RBFOX1: variants seen among roughly 807,000 people sequenced by gnomAD.
The protein encoded by RBFOX1 is RNA binding fox-1 homolog 1, also known as RNA binding protein fox-1 homolog 1.
RBFOX1 carries 8 observed loss-of-function variants against 57.7 expected under a neutral mutation model. The observed-to-expected ratio is 0.14, with a 90% CI of 0.08 to 0.25. RBFOX1 has a LOEUF of 0.25. Among genes scored for constraint, RBFOX1 ranks in the 10% least tolerant of loss-of-function variants. The probability of loss-of-function intolerance (pLI) is 1.00; values close to 1 mark genes in which losing one functional copy is unlikely to be tolerated. For missense variants in RBFOX1, 611 were observed against 548.5 expected, an observed-to-expected ratio of 1.11 and a Z score of -1.14; for synonymous variants, 326 against 222.4, an observed-to-expected ratio of 1.47 and a Z score of -4.15.
At chr16:5,737,919 C>T (rs1053355565) in intron 3 of RBFOX1, among the ~76,000 whole-genome samples, 2 of 152,042 alleles carry the variant, frequency 1.3e-5, no homozygotes, top group African/African-American at 4.8e-5. Flanking sequence ...AGGTTTGTTA[C>T]ATAGGTACAC....
chr16:5,727,621 A>G (rs1179752361), intron 3 of RBFOX1, among the ~76,000 whole-genome samples: 1 of 152,098 alleles, frequency 6.6e-6, no homozygotes, highest in Non-Finnish European at 1.5e-5. Context: ...TTAGACCAAT[A>G]TCTCCCCATT....
chr16:7,306,882 C>T (rs2096202014), intron 4 of RBFOX1, among the ~76,000 whole-genome samples: 2 of 152,120 alleles, frequency 1.3e-5, no homozygotes, highest in Admixed American at 1.3e-4. Flanking sequence ...TAAGTAATAT[C>T]TTGTACCCAG....
At chr16:6,762,016 G>C (rs1369345862) in intron 3 of RBFOX1, among the ~76,000 whole-genome samples, 4 of 152,042 alleles carry the variant, frequency 2.6e-5, no homozygotes, top group African/African-American at 9.7e-5. Flanking sequence ...AACTCTACAG[G>C]TGCTAAGATG....
chr16:7,667,310 G>C (rs1216775172), intron 13 of RBFOX1, among the ~76,000 whole-genome samples: 1 of 152,170 alleles, frequency 6.6e-6, no homozygotes, highest in Non-Finnish European at 1.5e-5. Context: ...AGCAGAACAA[G>C]AGGTCTTTGA....
chr16:5,955,771 A>G (rs2152282288), intron 4 of RBFOX1, among the ~76,000 whole-genome samples: 1 of 152,342 alleles, frequency 6.6e-6, no homozygotes, highest in African/African-American at 2.4e-5. Context: ...AGTCAATAAG[A>G]AAAAGGCAGT....
At chr16:7,260,012 G>C (rs1039471306) in intron 4 of RBFOX1, among the ~76,000 whole-genome samples, 2 of 152,060 alleles carry the variant, frequency 1.3e-5, no homozygotes, top group Non-Finnish European at 2.9e-5. Flanking sequence ...GCAATGTGTG[G>C]CTTGTCTTTT....
At chr16:7,002,666 T>A (rs2092931380) in intron 3 of RBFOX1, among the ~76,000 whole-genome samples, 1 of 152,116 alleles carries the variant, frequency 6.6e-6, no homozygotes, top group African/African-American at 2.4e-5. Flanking sequence ...GAGCCGAGAT[T>A]GCGCCACTGC....
intron 14 of RBFOX1, among the ~76,000 whole-genome samples, chr16:7,692,160 T>C (rs2077490572): frequency 6.6e-6 from 1 of 152,178 alleles, no homozygotes; most frequent in Non-Finnish European, 1.5e-5. Context: ...TTAACTTTTA[T>C]TGTCTTAAGG....
intron 2 of RBFOX1, among the ~76,000 whole-genome samples, chr16:6,590,212 G>A (rs1360383273): frequency 6.6e-6 from 1 of 152,122 alleles, no homozygotes; most frequent in Non-Finnish European, 1.5e-5. Context: ...AATTTCAAGA[G>A]CTATTACTTT....
At chr16:7,247,568 T>C (rs1257307733) in intron 4 of RBFOX1, among the ~76,000 whole-genome samples, 1 of 152,216 alleles carries the variant, frequency 6.6e-6, no homozygotes, top group Non-Finnish European at 1.5e-5. Flanking sequence ...AATAGTTTTA[T>C]GTTAACAAAA....
intron 3 of RBFOX1, among the ~76,000 whole-genome samples, chr16:6,767,188 A>T (rs75391724): frequency 0.011 from 1,718 of 152,176 alleles, 19 homozygotes; most frequent in Non-Finnish European, 0.015. Context: ...TGGGTATGGA[A>T]CCTAAACCTA....
intron 9 of RBFOX1, among the ~76,000 whole-genome samples, chr16:7,606,730 T>C (rs1305632062): frequency 6.6e-6 from 1 of 152,198 alleles, no homozygotes; most frequent in Non-Finnish European, 1.5e-5. Context: ...TTTTTACAGT[T>C]CCTGAATGCA....
At chr16:5,736,787 G>T (rs2052591940) in intron 3 of RBFOX1, among the ~76,000 whole-genome samples, 1 of 150,754 alleles carries the variant, frequency 6.6e-6, no homozygotes, top group Non-Finnish European at 1.5e-5. Flanking sequence ...CTGTTTATGT[G>T]TCTGTGAATT....
At chr16:7,656,669 C>T (rs1335218034) in intron 12 of RBFOX1, among the ~76,000 whole-genome samples, 1 of 152,154 alleles carries the variant, frequency 6.6e-6, no homozygotes, top group Non-Finnish European at 1.5e-5. Context: ...TGCAGCTCAC[C>T]CTATGACTCA....
At chr16:5,923,966 C>T (rs150821632) in intron 4 of RBFOX1, among the ~76,000 whole-genome samples, 1 of 152,146 alleles carries the variant, frequency 6.6e-6, no homozygotes, top group Admixed American at 6.5e-5. Flanking sequence ...AATTGTAATT[C>T]CCATAATCTC....
chr16:7,576,619 G>A (rs1379077371), intron 5 of RBFOX1, among the ~76,000 whole-genome samples: 1 of 151,916 alleles, frequency 6.6e-6, no homozygotes, highest in African/African-American at 2.4e-5. Context: ...TTTTATCAAA[G>A]GAAACAATGC....
intron 1 of RBFOX1, among the ~76,000 whole-genome samples, chr16:6,165,487 T>C (rs11642397): frequency 0.34 from 51,470 of 151,840 alleles, 8,965 homozygotes; most frequent in Admixed American, 0.45. Flanking sequence ...CTCAAAAGAG[T>C]TCAAAATGAG....
chr16:7,527,026 C>A (rs184042858), intron 5 of RBFOX1, among the ~76,000 whole-genome samples: 54 of 152,300 alleles, frequency 3.5e-4, no homozygotes, highest in African/African-American at 1.3e-3. Flanking sequence ...CAGACCCAAG[C>A]CTGTGCAACA....
At chr16:5,821,629 T>A (rs1469941924) in intron 3 of RBFOX1, among the ~76,000 whole-genome samples, 1 of 152,218 alleles carries the variant, frequency 6.6e-6, no homozygotes, top group Non-Finnish European at 1.5e-5. Flanking sequence ...GTGTTTGTTT[T>A]ATTTTTGTCT....
Sources: allele counts gnomAD v4.1 joint callset (sites outside exome capture counted in the v4.1 genomes callset), GRCh38; gene constraint gnomAD v4.1.1; transcripts MANE v1.5; gene names NCBI Gene and HGNC (gene_info 2026-07-23, HGNC 2026-07-21).